Variants in ZNF483 observed in about 807,000 individuals in gnomAD.
ZNF483 encodes zinc finger protein HIT-10.
ZNF483 carries 9 observed loss-of-function variants against 28.6 expected under a neutral mutation model. The observed-to-expected ratio is 0.32, with a 90% CI of 0.19 to 0.55. ZNF483 has a LOEUF of 0.55. Among genes scored for constraint, ZNF483 ranks in the 20% least tolerant of loss-of-function variants. ZNF483 has a pLI of 0.93. For synonymous variants in ZNF483, 322 were observed against 306.2 expected (o/e 1.05, Z -0.54); for missense variants, 675 against 871.7 (o/e 0.77, Z 2.84).
At chr9:111,539,437 G>GT (rs1223217966) in intron 5 of ZNF483, 1 of 455,976 alleles carries the variant, frequency 2.2e-6, no homozygotes, top group Non-Finnish European at 4.4e-6. Flanking sequence ...TTATGACTCT[G>GT]TTTTTTAGGA....
At position 111,547,655 on chromosome 9, in the gene ZNF483, T is replaced by C. The variant is rs10217747; in HGVS notation, c.*4485T>C. Among the ~76,000 whole-genome samples the C allele has an allele frequency of 0.55, 83,940 of 151,966 alleles. 23,865 individuals carry two copies. Among genetic ancestry groups the C allele is most frequent in the Non-Finnish European group, 0.63 (42,619 of 67,904 alleles). Reference sequence around the variant, plus strand: ...AGAAGGTTTTAATTTTGGTGAAGTTTAATTTTTCTATTTTTTCTTTTGTTT... The same window carrying C: ...AGAAGGTTTTAATTTTGGTGAAGTTCAATTTTTCTATTTTTTCTTTTGTTT... On this transcript the variant is annotated 3_prime_UTR_variant, in exon 6 of 6. Coordinates refer to ENST00000309235, the MANE Select transcript of ZNF483 (RefSeq NM_133464.5).
At chr9:111,564,180 T>C in intron 5 of ZNF483, 1 of 1,019,350 alleles carries the variant, frequency 9.8e-7, no homozygotes, top group Non-Finnish European at 1.2e-6. Flanking sequence ...TTCGCTAATG[T>C]ATTCCAGTGA....
At chr9:111,556,371 C>T (rs766912213), downstream of ZNF483, among the ~76,000 whole-genome samples, 9 of 152,244 alleles carry the variant, frequency 5.9e-5, no homozygotes, top group Non-Finnish European at 1.0e-4. Context: ...ATCTACCATT[C>T]TGGGGTATGG....
In ZNF483 at chr9:111,527,605, G is replaced by C; in HGVS notation, c.210G>C (p.Leu70=). The C allele has an allele frequency of 6.2e-7, 1 of 1,614,212 alleles. No individual in the cohort carries two copies. The highest frequency in any genetic ancestry group is 8.5e-7 in the Non-Finnish European group (1 of 1,180,040). The part of the protein sequence containing the change: ...YSEVAGPRKA[L]SQLWELCNQW... Reference sequence around the variant, plus strand: ...AAGTAGCTGGACCCAGGAAAGCTCTGAGTCAACTCTGGGAGCTCTGCAATC... The same window carrying C: ...AAGTAGCTGGACCCAGGAAAGCTCTCAGTCAACTCTGGGAGCTCTGCAATC... The change falls in exon 2 of 6, where the codon CTG becomes CTC. Residue 70 remains leucine, a synonymous_variant. Coordinates refer to ENST00000309235, the MANE Select transcript of ZNF483 (RefSeq NM_133464.5).
At chr9:111,537,454 C>A (rs1212880793) in intron 5 of ZNF483, among the ~76,000 whole-genome samples, 1 of 151,986 alleles carries the variant, frequency 6.6e-6, no homozygotes, top group Admixed American at 6.6e-5. Context: ...CTCAAGTGAT[C>A]TTCCTGCCTT....
chr9:111,576,529 C>A (rs1041406050), exon 6 of ZNF483: 37 of 1,402,836 alleles, frequency 2.6e-5, no homozygotes, highest in Admixed American at 1.6e-4. Context: ...GAGTATGAAT[C>A]CCAACTCTGG....
rs1312300416 is a variant in ZNF483 at position 111,544,638 on chromosome 9, A to G, written c.*1468A>G. 1.3e-5 allele frequency among the ~76,000 whole-genome samples: 2 copies of G among 152,158 alleles called. No individual in the cohort carries two copies. The highest frequency in any genetic ancestry group is 6.5e-5 in the Admixed American group (1 of 15,284). ...AGAATAGATACCCTAAAATCTAAAG[A>G]GACTGCACTGATAGCAAGTAAAGTT... On this transcript the variant is annotated 3_prime_UTR_variant, in exon 6 of 6. Coordinates refer to ENST00000309235, the MANE Select transcript of ZNF483 (RefSeq NM_133464.5).
At chr9:111,534,718 CTTTTTTTTTT>C (rs67740162) in intron 5 of ZNF483, among the ~76,000 whole-genome samples, 64 of 88,132 alleles carry the variant, frequency 7.3e-4, no homozygotes, top group Non-Finnish European at 3.0e-4. Context: ...GTCGTTCTAT[CTTTTTTTTTT>C]TTTTTTTTTT....
rs1828020677 is a variant in ZNF483 at position 111,553,156 on chromosome 9, CTT to C, written c.*9987_*9988del. On this transcript the variant is annotated 3_prime_UTR_variant, in exon 6 of 6. Transcript: ENST00000309235. ...AAAAATTACATGTCTTAAATATTGT[CTT>C]AAGTATTATCTACTATGTATCTTTA... Among the ~76,000 whole-genome samples the C allele has an allele frequency of 6.6e-6, 1 of 152,152 alleles. No individual in the cohort carries two copies. The highest frequency in any genetic ancestry group is 1.5e-5 in the Non-Finnish European group (1 of 68,020).
rs116308529 is a variant in ZNF483, at chr9:111,551,261, C to T, written c.*8091C>T. Among the ~76,000 whole-genome samples, 1,862 of 152,178 alleles carry T rather than the reference C, an allele frequency of 0.012. 33 individuals are homozygous for T. The highest frequency in any genetic ancestry group is 0.042 in the African/African-American group (1,760 of 41,510). ...TGTGTTAATCTACACACAAAATTTT[C>T]ATTTGTAATACATAACTCACATTTA... On this transcript the variant is annotated 3_prime_UTR_variant, in exon 6 of 6. Coordinates refer to ENST00000309235, the MANE Select transcript of ZNF483 (RefSeq NM_133464.5).
At chr9:111,538,927 C>T (rs1380591496) in intron 5 of ZNF483, among the ~76,000 whole-genome samples, 1 of 151,996 alleles carries the variant, frequency 6.6e-6, no homozygotes, top group Non-Finnish European at 1.5e-5. Flanking sequence ...ACCTGGCCAA[C>T]ATGGTAAAAC....
At chr9:111,576,046 G>C (rs955907498) in intron 5 of ZNF483, among the ~76,000 whole-genome samples, 1 of 152,016 alleles carries the variant, frequency 6.6e-6, no homozygotes, top group African/African-American at 2.4e-5. Context: ...TGTGGTCCCA[G>C]CTACTTGGGA....
chr9:111,538,163 C>A (rs751399565), intron 5 of ZNF483, among the ~76,000 whole-genome samples: 24 of 149,974 alleles, frequency 1.6e-4, no homozygotes, highest in Non-Finnish European at 3.0e-4. Flanking sequence ...CACAGTTTGT[C>A]TGCAAGTTTT....
chr9:111,564,133 G>A (rs41279065), intron 5 of ZNF483: 10,434 of 459,092 alleles, frequency 0.023, 174 homozygotes, highest in South Asian at 0.033. Flanking sequence ...TTTTTAAGGG[G>A]TCTTATATAG....
downstream of ZNF483, among the ~76,000 whole-genome samples, chr9:111,556,716 G>C (rs1375485673): frequency 6.6e-6 from 1 of 152,222 alleles, no homozygotes; most frequent in African/African-American, 2.4e-5. Flanking sequence ...GAGTTCTCAT[G>C]AGATCTGGTT....
intron 5 of ZNF483, among the ~76,000 whole-genome samples, chr9:111,569,523 AC>A (rs1484292154): frequency 6.6e-6 from 1 of 152,136 alleles, no homozygotes; most frequent in African/African-American, 2.4e-5. Context: ...CACAACTGTA[AC>A]CCCAGCACTT....
chr9:111,561,110 T>TATAGAGAG lies in ZNF483; in HGVS notation c.722-15254_722-15253insTAGAGAGA, dbSNP rs1457364862. Reference sequence around the variant, plus strand: ...ATATATATATATATATATATATATATAGAGAGAGAGAGAGAGAGAGAGAGA... The same window carrying TATAGAGAG: ...ATATATATATATATATATATATATATATAGAGAGAGAGAGAGAGAGAGAGAGAGAGAGA... On this transcript the variant is annotated intron_variant, in intron 5 of 5. Transcript: ENST00000358151. Among the ~76,000 whole-genome samples, 37 of 19,192 alleles carry TATAGAGAG rather than the reference T, an allele frequency of 1.9e-3. 2 individuals carry two copies. The highest frequency in any genetic ancestry group is 2.8e-3 in the Non-Finnish European group (33 of 11,998). The allele number at this position is 19,192 out of a possible 152,430, so 12.6% of individuals were successfully genotyped here.
rs1343589881 is a variant in ZNF483, at chr9:111,549,305, G to A, written c.*6135G>A. ...ACTGTCAAAATGCTTTTCATAAAAT[G>A]TAGCACATTTTAGGGTTTCTCCCTT... is the stretch of plus-strand genomic sequence containing the variant. On this transcript the variant is annotated 3_prime_UTR_variant, in exon 6 of 6. Transcript: ENST00000309235. 6.6e-6 allele frequency among the ~76,000 whole-genome samples: 1 copy of A among 152,150 alleles called. No homozygotes were observed. Among genetic ancestry groups the A allele is most frequent in the Non-Finnish European group, 1.5e-5 (1 of 68,020 alleles).
Position 111,551,397 on chromosome 9 carries a change from TTTG to T in ZNF483, c.*8230_*8232del, listed in dbSNP as rs1240810903. Among the ~76,000 whole-genome samples, 10 of 132,286 alleles carry T rather than the reference TTTG, an allele frequency of 7.6e-5. No homozygotes were observed. The highest frequency in any genetic ancestry group is 2.4e-4 in the African/African-American group (8 of 32,790). 86.8% of individuals were successfully genotyped at this position (132,286 alleles called of 152,430 possible). A position where few individuals can be genotyped will look rare whatever the true frequency, so the allele number is the denominator to read the frequency against. The stretch of plus-strand genomic sequence containing the variant: ...CAATAACTGAATCAAGTATCCAGTT[TTTG>T]TTTTTTTTTTTTTTTTTTTTTTTTT... On this transcript the variant is annotated 3_prime_UTR_variant, in exon 6 of 6. Coordinates refer to ENST00000309235, the MANE Select transcript of ZNF483 (RefSeq NM_133464.5).
Sources: gnomAD v4.1 joint callset for allele counts (sites outside exome capture counted in the v4.1 genomes callset) on GRCh38, gnomAD v4.1.1 for gene constraint, MANE v1.5 for transcripts, NCBI Gene and HGNC (gene_info 2026-07-23, HGNC 2026-07-21) for gene names.